Variants in PGBD5 observed in about 807,000 individuals in gnomAD.
PGBD5 encodes piggyBac transposable element derived 5.
In PGBD5, 14 loss-of-function variants were observed where a neutral mutation model predicts 47.9. That is an observed-to-expected ratio of 0.29 (90% CI 0.19 to 0.46). The LOEUF (loss-of-function observed/expected upper bound fraction) is 0.46, where lower values mean the gene tolerates loss of function less well. Among genes scored for constraint, PGBD5 ranks in the 20% least tolerant of loss-of-function variants. The pLI is 1.00. For missense variants in PGBD5, 635 were observed against 716.0 expected (o/e 0.89, Z 1.29); for synonymous variants, 316 against 306.3 (o/e 1.03, Z -0.33).
chr1:230,403,820 C>G (rs958715389), intron 1 of PGBD5, among the ~76,000 whole-genome samples: 3 of 152,202 alleles, frequency 2.0e-5, no homozygotes, highest in Admixed American at 6.5e-5. Context: ...TTCCAAGAGT[C>G]TCAGCAACAC....
At chr1:230,325,701 G>A (rs905982237) in intron 5 of PGBD5, among the ~76,000 whole-genome samples, 2 of 152,090 alleles carry the variant, frequency 1.3e-5, no homozygotes, top group African/African-American at 4.8e-5. Context: ...GGCCTGAAGG[G>A]GCTCTAAGCA....
In PGBD5 at chr1:230,337,301, C is replaced by T. The variant is rs1355575575; in HGVS notation, c.895-13G>A. The stretch of plus-strand genomic sequence containing the variant: ...GGTGGACATAAATCTTTAACAGAAA[C>T]ACACAGAGGTTAGCGTGCTCACAGC... On this transcript the variant is annotated splice_polypyrimidine_tract_variant and intron_variant, in intron 3 of 6. Coordinates refer to ENST00000391860, the MANE Select transcript of PGBD5 (RefSeq NM_001258311.2). The T allele has an allele frequency of 2.5e-6, 4 of 1,600,388 alleles. No homozygotes were observed. The East Asian group carries it at 9.0e-5, about 36-fold the overall frequency.
intron 3 of PGBD5, among the ~76,000 whole-genome samples, chr1:230,343,206 A>AC (rs1249545792): frequency 6.6e-6 from 1 of 152,004 alleles, no homozygotes; most frequent in African/African-American, 2.4e-5. Context: ...AGCACCGCTG[A>AC]CCCCTGTGGG....
At position 230,397,030 on chromosome 1, in the gene PGBD5, T is replaced by G. The variant is rs112230698; in HGVS notation, c.331+28568A>C. Among the ~76,000 whole-genome samples, 502 of 152,296 alleles carry G rather than the reference T, an allele frequency of 3.3e-3. 1 individual carries two copies. The highest frequency in any genetic ancestry group is 0.012 in the African/African-American group (478 of 41,564). The stretch of plus-strand genomic sequence containing the variant: ...TAAGGACAGCTGGGAGGTGCACTGT[T>G]GTCACTGGAGAGGGAGTTCACCTGG... On this transcript the variant is annotated intron_variant, in intron 1 of 6. Transcript: ENST00000391860.
At chr1:230,368,182 T>G (rs775398541) in intron 1 of PGBD5, 1 of 1,351,994 alleles carries the variant, frequency 7.4e-7, no homozygotes, top group Admixed American at 2.0e-5. Context: ...AGAGAAGGCT[T>G]GGGGAGATGG....
In PGBD5 at chr1:230,398,352, C is replaced by T. The variant is rs571220490; in HGVS notation, c.331+27246G>A. ...GGCCTCTCTCCTGGCTTGCACAGGG[C>T]GGTCTCCATGTCTTCGCATGGGCTC... On this transcript the variant is annotated intron_variant, in intron 1 of 6. Coordinates refer to ENST00000391860, the MANE Select transcript of PGBD5 (RefSeq NM_001258311.2). 8.3e-4 allele frequency among the ~76,000 whole-genome samples: 127 copies of T among 152,194 alleles called. 1 individual carries two copies. The highest frequency in any genetic ancestry group is 4.3e-3 in the Admixed American group (66 of 15,286).
chr1:230,389,362 G>A (rs1216960203), intron 1 of PGBD5, among the ~76,000 whole-genome samples: 7 of 151,976 alleles, frequency 4.6e-5, no homozygotes, highest in African/African-American at 7.3e-5. Context: ...TGGTAGAGAC[G>A]GGGTTTCACC....
chr1:230,368,329 C>T (rs965023222), intron 1 of PGBD5, among the ~76,000 whole-genome samples: 3 of 152,224 alleles, frequency 2.0e-5, no homozygotes, highest in Non-Finnish European at 2.9e-5. Context: ...GTGTGCGGCC[C>T]GGCAGGGCAG....
At chr1:230,338,131 G>A (rs1290026979) in intron 3 of PGBD5, among the ~76,000 whole-genome samples, 1 of 152,094 alleles carries the variant, frequency 6.6e-6, no homozygotes, top group Non-Finnish European at 1.5e-5. Flanking sequence ...CATGCAGCTC[G>A]CATGTTGCCT....
At chr1:230,352,461 A>G (rs1228115436) in intron 2 of PGBD5, among the ~76,000 whole-genome samples, 1 of 152,176 alleles carries the variant, frequency 6.6e-6, no homozygotes, top group African/African-American at 2.4e-5. Context: ...TGATGTGGAC[A>G]GCTGCCTTCC....
intron 1 of PGBD5, among the ~76,000 whole-genome samples, chr1:230,410,385 T>C (rs1240088895): frequency 6.6e-6 from 1 of 152,214 alleles, no homozygotes; most frequent in East Asian, 1.9e-4. Context: ...AATAAGAATA[T>C]ATATTTTTTC....
At chr1:230,368,295 C>T (rs575019828) in intron 1 of PGBD5, 28 of 1,151,598 alleles carry the variant, frequency 2.4e-5, no homozygotes, top group Admixed American at 3.6e-5. Context: ...CAAGTGGCCC[C>T]TCCCCAAAAA....
At chr1:230,360,683 C>T (rs896755322) in intron 1 of PGBD5, among the ~76,000 whole-genome samples, 3 of 152,178 alleles carry the variant, frequency 2.0e-5, no homozygotes, top group South Asian at 4.1e-4. Flanking sequence ...CTGAGGTCTT[C>T]GAAACCATGC....
intron 1 of PGBD5, among the ~76,000 whole-genome samples, chr1:230,417,656 T>C (rs1285797109): frequency 6.6e-6 from 1 of 152,144 alleles, no homozygotes; most frequent in Non-Finnish European, 1.5e-5. Context: ...AGGGGCCACC[T>C]CCTCCAGAAA....
At chr1:230,354,721 C>T (rs780569248) in intron 2 of PGBD5, among the ~76,000 whole-genome samples, 6 of 152,150 alleles carry the variant, frequency 3.9e-5, no homozygotes, top group African/African-American at 9.7e-5. Context: ...TCCCTTAACC[C>T]GGATCACACC....
rs562416269 is a variant in PGBD5, at chr1:230,333,477, G to A, written c.1076-436C>T. 3.3e-5 allele frequency among the ~76,000 whole-genome samples: 5 copies of A among 152,290 alleles called. No homozygotes were observed. In the South Asian group the frequency reaches 1.0e-3, roughly 32 times the overall value. On this transcript the variant is annotated intron_variant, in intron 4 of 6. Coordinates refer to ENST00000391860, the MANE Select transcript of PGBD5 (RefSeq NM_001258311.2). The stretch of plus-strand genomic sequence containing the variant: ...AGAAGAACTGAGACTCGAGAAGGGC[G>A]AAGCCCCCAGACTCACAGCTGGGAG...
chr1:230,365,829 G>A (rs575223039), intron 1 of PGBD5, among the ~76,000 whole-genome samples: 6 of 152,364 alleles, frequency 3.9e-5, no homozygotes, highest in African/African-American at 1.4e-4. Flanking sequence ...TCATGTGGAT[G>A]AATGACTCTT....
chr1:230,408,352 T>C (rs905274027), intron 1 of PGBD5, among the ~76,000 whole-genome samples: 2 of 152,184 alleles, frequency 1.3e-5, no homozygotes, highest in African/African-American at 4.8e-5. Context: ...GTATCTTGTA[T>C]GTATGTATGC....
Position 230,323,613 on chromosome 1 carries a change from T to C in PGBD5, c.1387A>G (p.Ile463Val), listed in dbSNP as rs770667148. 1.9e-6 allele frequency: 3 copies of C among 1,613,376 alleles called. No individual in the cohort carries two copies. The highest frequency in any genetic ancestry group is 2.5e-6 in the Non-Finnish European group (3 of 1,179,692). Residue 463 changes from isoleucine to valine, a missense_variant, in exon 7 of 7, where the codon ATT (isoleucine) becomes GTT (valine). Ile to Val is a conservative substitution (Grantham distance 29, BLOSUM62 3). Transcript: ENST00000391860. This position sits in a 1 kb window ranked among gnomAD's most constrained non-coding sequence, Gnocchi z 4.1. ...RYDDKYSKYF[I>V]SHKPNKTWQQ... ...CAGGTCTTGTTTGGTTTATGAGAAA[T>C]GAAATACCTGAGGACAGAGGGAATA... is the stretch of plus-strand genomic sequence containing the variant.
Sources: allele counts gnomAD v4.1 joint callset (sites outside exome capture counted in the v4.1 genomes callset), GRCh38; gene constraint gnomAD v4.1.1; non-coding constraint Gnocchi (gnomAD v3.1); transcripts MANE v1.5; gene names NCBI Gene and HGNC (gene_info 2026-07-23, HGNC 2026-07-21).